THSD7B: variants seen among roughly 807,000 people sequenced by gnomAD.
The protein encoded by THSD7B is thrombospondin type-1 domain-containing protein 7B.
In THSD7B, 138 loss-of-function variants were observed where a neutral mutation model predicts 213.6. The observed-to-expected ratio is 0.65, with a 90% confidence interval of 0.56 to 0.74. The LOEUF is 0.74. Ranked by LOEUF, THSD7B falls within the 30% of genes least tolerant of loss-of-function variation. The pLI, the probability that THSD7B is intolerant of heterozygous loss-of-function variation, is 0.00. For synonymous variants in THSD7B, 742 were observed against 687.0 expected (o/e 1.08, Z -1.25); for missense variants, 1,931 against 1,991.5 (o/e 0.97, Z 0.58).
chr2:137,618,370 G>A, intron 18 of THSD7B, 22 bp from the exon 19 acceptor site: 1 of 1,607,250 alleles, frequency 6.2e-7, no homozygotes, highest in African/African-American at 1.3e-5. Context: ...GAAACTCAGT[G>A]TGGGTGATCC....
chr2:137,495,088 G>C lies in THSD7B; in HGVS notation c.3138+44065G>C, dbSNP rs559294544. ...TGTTGTTTGTCTGTTTCTCTCTATG[G>C]TAGGTAGAATCCTTTGCACAGTGCT... On this transcript the variant is annotated intron_variant, in intron 15 of 27. Coordinates refer to ENST00000409968, the MANE Select transcript of THSD7B (RefSeq NM_001316349.2). Among the ~76,000 whole-genome samples, 10 of 152,186 alleles carry C rather than the reference G, an allele frequency of 6.6e-5. No homozygotes were observed. In the South Asian group the frequency reaches 2.1e-3, roughly 32 times the overall value.
intron 17 of THSD7B, among the ~76,000 whole-genome samples, chr2:137,602,649 C>G (rs1452460697): frequency 6.6e-6 from 1 of 152,102 alleles, no homozygotes; most frequent in Non-Finnish European, 1.5e-5. Context: ...TGCATCATCC[C>G]AAGGTGGAAG....
rs185321694 is a variant in THSD7B at position 136,780,412 on chromosome 2, G to A, written c.-36+14725G>A. Among the ~76,000 whole-genome samples the A allele has an allele frequency of 1.1e-3, 172 of 152,274 alleles. 1 individual carries two copies. In the Middle Eastern group the frequency reaches 0.014, roughly 12 times the overall value. ...AATACTGTTACCTTGGAGGTTAGGA[G>A]TTCAACATATGAATGTTGGTGAGAC... On this transcript the variant is annotated intron_variant, in intron 1 of 27. Coordinates refer to ENST00000409968, the MANE Select transcript of THSD7B (RefSeq NM_001316349.2).
At chr2:137,426,102 T>G (rs1488960799) in intron 14 of THSD7B, among the ~76,000 whole-genome samples, 1 of 152,094 alleles carries the variant, frequency 6.6e-6, no homozygotes, top group Non-Finnish European at 1.5e-5. Flanking sequence ...AAGAATAAAA[T>G]ACTTAGGAAT....
chr2:136,862,402 G>A (rs1188121934), intron 1 of THSD7B, among the ~76,000 whole-genome samples: 1 of 152,126 alleles, frequency 6.6e-6, no homozygotes, highest in East Asian at 1.9e-4. Flanking sequence ...TTGCCATTTT[G>A]GGTCCCCTTC....
chr2:137,174,508 T>G (rs1194573423), intron 7 of THSD7B, among the ~76,000 whole-genome samples: 1 of 152,204 alleles, frequency 6.6e-6, no homozygotes, highest in Non-Finnish European at 1.5e-5. Context: ...GTGGTCTACT[T>G]TGGGTTATCT....
At chr2:137,505,283 C>T (rs1164575787) in intron 15 of THSD7B, among the ~76,000 whole-genome samples, 1 of 152,184 alleles carries the variant, frequency 6.6e-6, no homozygotes, top group African/African-American at 2.4e-5. Flanking sequence ...ATAGAAATCA[C>T]TCAGGGTTTT....
At chr2:137,538,575 T>C in intron 15 of THSD7B, 2 of 489,326 alleles carry the variant, frequency 4.1e-6, no homozygotes, top group Non-Finnish European at 8.0e-6. Flanking sequence ...ACAAACCAGC[T>C]TTTTTTCTCT....
chr2:137,610,946 C>T (rs1682276814), intron 17 of THSD7B, among the ~76,000 whole-genome samples: 1 of 149,554 alleles, frequency 6.7e-6, no homozygotes, highest in African/African-American at 2.4e-5. Context: ...AAAGTTATAG[C>T]TTTAGGGTAC....
chr2:137,438,471 G>C (rs543707565), intron 14 of THSD7B, among the ~76,000 whole-genome samples: 1 of 152,064 alleles, frequency 6.6e-6, no homozygotes, highest in Non-Finnish European at 1.5e-5. Flanking sequence ...CAGCTGTACT[G>C]TCTCTGTCAC....
At chr2:136,835,370 T>TA (rs1347956625) in intron 1 of THSD7B, among the ~76,000 whole-genome samples, 1 of 152,232 alleles carries the variant, frequency 6.6e-6, no homozygotes, top group African/African-American at 2.4e-5. Flanking sequence ...GTTATTGAAA[T>TA]AAGGTTATTA....
intron 3 of THSD7B, among the ~76,000 whole-genome samples, chr2:137,062,827 T>C (rs1289391034): frequency 6.6e-6 from 1 of 151,830 alleles, no homozygotes; most frequent in Non-Finnish European, 1.5e-5. Flanking sequence ...ATCCAGTTGA[T>C]TGATGGTGCT....
At chr2:136,851,381 A>AT (rs1055212013) in intron 1 of THSD7B, among the ~76,000 whole-genome samples, 13 of 151,650 alleles carry the variant, frequency 8.6e-5, no homozygotes, top group African/African-American at 2.9e-4. Context: ...CCTTGCCATT[A>AT]TTTTTTGCTT....
At chr2:137,110,823 A>C (rs1688334466) in intron 4 of THSD7B, among the ~76,000 whole-genome samples, 1 of 152,166 alleles carries the variant, frequency 6.6e-6, no homozygotes, top group Non-Finnish European at 1.5e-5. Context: ...ATAAGATTGT[A>C]ATACTTTATT....
intron 12 of THSD7B, among the ~76,000 whole-genome samples, chr2:137,368,132 G>T (rs1332323156): frequency 6.6e-6 from 1 of 152,020 alleles, no homozygotes; most frequent in East Asian, 1.9e-4. Flanking sequence ...ATTATGCAAA[G>T]AATGTGGGCC....
At chr2:137,278,485 A>C (rs1035758774) in intron 12 of THSD7B, among the ~76,000 whole-genome samples, 4 of 152,300 alleles carry the variant, frequency 2.6e-5, no homozygotes, top group African/African-American at 9.6e-5. Context: ...GTAGAAAACA[A>C]AATCTCCAAA....
intron 17 of THSD7B, among the ~76,000 whole-genome samples, chr2:137,579,400 G>C (rs910294966): frequency 6.6e-6 from 1 of 152,160 alleles, no homozygotes; most frequent in Non-Finnish European, 1.5e-5. Flanking sequence ...CTTTGGACTG[G>C]AACCACACCA....
intron 7 of THSD7B, among the ~76,000 whole-genome samples, chr2:137,226,993 A>G (rs1319524791): frequency 1.3e-5 from 2 of 152,158 alleles, no homozygotes; most frequent in African/African-American, 4.8e-5. Flanking sequence ...AAGATCACAA[A>G]TATATATAAA....
chr2:137,434,975 C>T (rs1186933886), intron 14 of THSD7B, among the ~76,000 whole-genome samples: 1 of 152,170 alleles, frequency 6.6e-6, no homozygotes, highest in East Asian at 1.9e-4. Context: ...CGGTAGTCTT[C>T]AGTACTATTA....
Sources: gnomAD v4.1 joint callset for allele counts (sites outside exome capture counted in the v4.1 genomes callset) on GRCh38, gnomAD v4.1.1 for gene constraint, MANE v1.5 for transcripts, NCBI Gene and HGNC (gene_info 2026-07-23, HGNC 2026-07-21) for gene names.